Variants in CCDC192 observed in about 807,000 individuals in gnomAD.
The protein encoded by CCDC192 is coiled-coil domain-containing protein 192.
chr5:127,723,154 A>T (rs907201882), intron 2 of CCDC192, among the ~76,000 whole-genome samples: 1 of 151,948 alleles, frequency 6.6e-6, no homozygotes, highest in Non-Finnish European at 1.5e-5. Context: ...TATAGTTTTC[A>T]TTGTACAAAT....
At chr5:127,795,425 C>T (rs1465199243) in intron 3 of CCDC192, among the ~76,000 whole-genome samples, 1 of 151,698 alleles carries the variant, frequency 6.6e-6, no homozygotes, top group African/African-American at 2.4e-5. Flanking sequence ...AGGCATTGTT[C>T]TAAGTGTCTC....
chr5:127,894,757 T>C (rs1047837288), intron 6 of CCDC192, among the ~76,000 whole-genome samples: 3 of 152,208 alleles, frequency 2.0e-5, no homozygotes, highest in African/African-American at 7.2e-5. Flanking sequence ...AAGAAATCTG[T>C]AAGATTTTAG....
chr5:127,776,588 A>G (rs142032772), intron 3 of CCDC192, among the ~76,000 whole-genome samples: 1 of 152,230 alleles, frequency 6.6e-6, no homozygotes, highest in Non-Finnish European at 1.5e-5. Context: ...AATCATCAAG[A>G]TGTTGGAGAA....
rs533232425 is a variant in CCDC192, at chr5:127,828,107, A to C, written c.411+29945A>C. Among the ~76,000 whole-genome samples the C allele has an allele frequency of 3.9e-5, 6 of 152,254 alleles. No individual in the cohort carries two copies. The South Asian group carries it at 1.0e-3, about 26-fold the overall frequency. On this transcript the variant is annotated intron_variant, in intron 5 of 6. Coordinates refer to ENST00000514853, the MANE Select transcript of CCDC192 (RefSeq NM_001317938.2). Reference sequence around the variant, plus strand: ...TTTTTAGTAGAGACAGGGTTTCACCATGTTGGCCAGGCTGGTCTCAAACTC... The same window carrying C: ...TTTTTAGTAGAGACAGGGTTTCACCCTGTTGGCCAGGCTGGTCTCAAACTC...
chr5:127,816,693 G>A (rs550666245), intron 5 of CCDC192, among the ~76,000 whole-genome samples: 1 of 152,322 alleles, frequency 6.6e-6, no homozygotes, highest in African/African-American at 2.4e-5. Context: ...GCACATAGCA[G>A]CTATTCTTAT....
intron 5 of CCDC192, among the ~76,000 whole-genome samples, chr5:127,849,403 A>G (rs2127080843): frequency 6.6e-6 from 1 of 152,146 alleles, no homozygotes; most frequent in African/African-American, 2.4e-5. Context: ...ACTCTGATCT[A>G]GGATGATCTC....
At chr5:127,941,142 A>T (rs548862282) in intron 6 of CCDC192, 40 bp from the exon 7 acceptor site, 39 of 398,996 alleles carry the variant, frequency 9.8e-5, no homozygotes, top group African/African-American at 6.6e-4. Flanking sequence ...GGGAAATCTA[A>T]TCAAAACTGC....
At chr5:127,921,652 T>C (rs1753724872) in intron 6 of CCDC192, among the ~76,000 whole-genome samples, 1 of 152,218 alleles carries the variant, frequency 6.6e-6, no homozygotes, top group African/African-American at 2.4e-5. Context: ...ATTTTTCTTT[T>C]ATAAATGAAG....
intron 6 of CCDC192, among the ~76,000 whole-genome samples, chr5:127,882,263 A>G (rs890349332): frequency 5.3e-5 from 8 of 152,258 alleles, no homozygotes; most frequent in Admixed American, 1.3e-4. Flanking sequence ...TATTTTAAGT[A>G]TCAAACTATT....
At chr5:127,818,861 G>T (rs1749153347) in intron 5 of CCDC192, among the ~76,000 whole-genome samples, 1 of 152,160 alleles carries the variant, frequency 6.6e-6, no homozygotes, top group Non-Finnish European at 1.5e-5. Context: ...TTTATAGCTG[G>T]CTACAGCCAT....
At position 127,798,166 on chromosome 5, in the gene CCDC192, A is replaced by G; in HGVS notation, c.411+4A>G. The G allele has an allele frequency of 7.5e-6, 3 of 398,380 alleles. No individual in the cohort carries two copies. The highest frequency in any genetic ancestry group is 1.3e-5 in the Non-Finnish European group (3 of 225,592). The allele number at this position is 398,380 out of a possible 1,614,324, so 24.7% of individuals were successfully genotyped here. ...CCAGGAGCAACTTATAGCCCAGGTA[A>G]GTGTTTTCCTCCTTTTTTCATCCCT... is the stretch of plus-strand genomic sequence containing the variant. On this transcript the variant is annotated splice_donor_region_variant and intron_variant, in intron 5 of 6. Coordinates refer to ENST00000514853, the MANE Select transcript of CCDC192 (RefSeq NM_001317938.2).
intron 5 of CCDC192, among the ~76,000 whole-genome samples, chr5:127,814,185 A>C (rs1758232732): frequency 6.6e-6 from 1 of 152,200 alleles, no homozygotes; most frequent in African/African-American, 2.4e-5. Flanking sequence ...TAAGGGCAGG[A>C]GTGGGAGCAG....
rs1753798143 is a variant in CCDC192 at position 127,747,086 on chromosome 5, CTTGT to C, written c.115-7179_115-7176del. ...AGTTCATTCTTTTTTTTTTTTATTT[CTTGT>C]TTCTTTTTTATTTATTTATTTTTTT... On this transcript the variant is annotated intron_variant, in intron 2 of 6. Coordinates refer to ENST00000514853, the MANE Select transcript of CCDC192 (RefSeq NM_001317938.2). Among the ~76,000 whole-genome samples the C allele has an allele frequency of 9.4e-4, 139 of 147,554 alleles. No individual in the cohort carries two copies. The Middle Eastern group carries it at 0.01, about 11-fold the overall frequency.
chr5:127,929,165 T>C (rs989863559), intron 6 of CCDC192, among the ~76,000 whole-genome samples: 3 of 152,242 alleles, frequency 2.0e-5, no homozygotes, highest in Non-Finnish European at 4.4e-5. Flanking sequence ...TAGCATTTTA[T>C]TTCATCATTT....
At chr5:127,940,082 T>C (rs975415275) in intron 6 of CCDC192, among the ~76,000 whole-genome samples, 4 of 152,234 alleles carry the variant, frequency 2.6e-5, no homozygotes, top group African/African-American at 7.2e-5. Flanking sequence ...GCTGCATTTT[T>C]TGATGGGCTA....
At chr5:127,727,455 A>G (rs980584243) in intron 2 of CCDC192, among the ~76,000 whole-genome samples, 3 of 152,006 alleles carry the variant, frequency 2.0e-5, no homozygotes, top group African/African-American at 7.2e-5. Flanking sequence ...CTGGGCAACA[A>G]GAGAGAAACT....
intron 5 of CCDC192, among the ~76,000 whole-genome samples, chr5:127,829,909 T>C (rs933312246): frequency 5.9e-5 from 9 of 152,104 alleles, no homozygotes; most frequent in Non-Finnish European, 1.0e-4. Context: ...AGTAGAGTCA[T>C]GAAGGAAAAA....
intron 6 of CCDC192, among the ~76,000 whole-genome samples, chr5:127,894,479 C>A (rs1752823930): frequency 6.6e-6 from 1 of 152,142 alleles, no homozygotes; most frequent in Non-Finnish European, 1.5e-5. Flanking sequence ...GCGTGAGCCA[C>A]CGCGCCTGGC....
At chr5:127,740,196 T>C (rs1006853675) in intron 2 of CCDC192, 1 of 152,222 alleles carries the variant, frequency 6.6e-6, no homozygotes. Flanking sequence ...ATTTTACAGA[T>C]GGGAAAACTG....
Sources: gnomAD v4.1 joint callset for allele counts (sites outside exome capture counted in the v4.1 genomes callset) on GRCh38, gnomAD v4.1.1 for gene constraint, MANE v1.5 for transcripts, NCBI Gene and HGNC (gene_info 2026-07-23, HGNC 2026-07-21) for gene names.